The following MARCO variants were observed in gnomAD, a reference collection of about 807,000 sequenced individuals.
The protein encoded by MARCO is macrophage receptor MARCO.
In MARCO, 72 loss-of-function variants were observed where a neutral mutation model predicts 70.0. The ratio of observed to expected loss-of-function variants is 1.03; its 90% CI spans 0.85 to 1.25. MARCO has a LOEUF of 1.25. MARCO is among the 50% of genes most tolerant of loss of function. MARCO has a pLI of 0.00. For missense variants in MARCO, 696 were observed against 659.3 expected, an observed-to-expected ratio of 1.06 and a Z score of -0.61; for synonymous variants, 273 against 243.1, an observed-to-expected ratio of 1.12 and a Z score of -1.14.
At chr2:118,959,167 C>T (rs1018212319) in intron 1 of MARCO, among the ~76,000 whole-genome samples, 18 of 152,034 alleles carry the variant, frequency 1.2e-4, no homozygotes, top group African/African-American at 1.9e-4. Flanking sequence ...AGCTTTTGCA[C>T]GGCAAAAGGA....
intron 1 of MARCO, among the ~76,000 whole-genome samples, chr2:118,965,451 T>C (rs1680026981): frequency 6.6e-6 from 1 of 152,198 alleles, no homozygotes; most frequent in African/African-American, 2.4e-5. Flanking sequence ...AAAAAATTTG[T>C]TTCAAGAATA....
intron 1 of MARCO, among the ~76,000 whole-genome samples, chr2:118,942,748 G>A (rs976904028): frequency 2.6e-5 from 4 of 151,952 alleles, no homozygotes; most frequent in African/African-American, 7.3e-5. Context: ...CGCAAAACAG[G>A]GGCACTGAAA....
intron 1 of MARCO, among the ~76,000 whole-genome samples, chr2:118,950,733 GTTAA>G (rs1679706593): frequency 6.6e-6 from 1 of 152,034 alleles, no homozygotes; most frequent in Non-Finnish European, 1.5e-5. Context: ...TAAACAACCA[GTTAA>G]TTTATTTTAG....
chr2:118,970,041 A>G, intron 2 of MARCO, 73 bp from the exon 3 acceptor site: 1 of 1,293,882 alleles, frequency 7.7e-7, no homozygotes, highest in South Asian at 1.2e-5. Context: ...AGTTATGCAC[A>G]CATGACACAA....
At chr2:118,986,677 GAAAGAAAGAAAGAAAGAA>G (rs1680507364) in intron 12 of MARCO, among the ~76,000 whole-genome samples, 1 of 40,910 alleles carries the variant, frequency 2.4e-5, no homozygotes, top group Non-Finnish European at 4.3e-5. Flanking sequence ...AGGAAGGAAA[GAAAGAAAGAAAGAAAGAA>G]AGAAAGAAAG....
rs965270646 is a variant in MARCO at position 118,977,400 on chromosome 2, T to A, written c.614-71T>A. 4.9e-6 allele frequency: 6 copies of A among 1,235,200 alleles called. No homozygotes were observed. The Admixed American group carries it at 5.1e-5, about 10-fold the overall frequency. 76.5% of individuals were successfully genotyped at this position (1,235,200 alleles called of 1,614,324 possible). A position where few individuals can be genotyped will look rare whatever the true frequency, so the allele number is the denominator to read the frequency against. On this transcript the variant is annotated intron_variant, in intron 6 of 16. Transcript: ENST00000327097. ...CTTGCTCAACTAAGGGAATCTAGAA[T>A]GTCAGCTGATTAAAGACATTTTAGA...
intron 12 of MARCO, among the ~76,000 whole-genome samples, chr2:118,983,316 G>A (rs1680429271): frequency 6.7e-6 from 1 of 148,988 alleles, no homozygotes; most frequent in African/African-American, 2.5e-5. Flanking sequence ...CCCCCGTGCT[G>A]TGCTAGAGAC....
chr2:118,975,180 G>T (rs1023903046), intron 6 of MARCO, among the ~76,000 whole-genome samples: 1 of 152,122 alleles, frequency 6.6e-6, no homozygotes, highest in Non-Finnish European at 1.5e-5. Context: ...AGAATGGGGG[G>T]CCCAGAGCTG....
chr2:118,993,188 C>G lies in MARCO; in HGVS notation c.1317C>G (p.Tyr439Ter), dbSNP rs1385974827. The G allele has an allele frequency of 1.9e-6, 3 of 1,614,180 alleles. No individual in the cohort carries two copies. The Admixed American group carries it at 5.0e-5, about 27-fold the overall frequency. Residue 439 changes from tyrosine (Y) to a stop codon, truncating the protein, a stop_gained, in exon 16 of 17, where the codon TAC (tyrosine) becomes TAG (stop). Transcript: ENST00000327097. LOFTEE classifies it high-confidence loss of function. ...ACCGAGGCCGGGCTGAAGTTTACTA[C>G]AGTGGTACCTGGGGGACAATTTGCG... is the stretch of plus-strand genomic sequence containing the variant. The part of the protein sequence containing the change: ...SSNRGRAEVY[Y>*]SGTWGTICDD...
chr2:118,958,929 G>A (rs142279279), intron 1 of MARCO, among the ~76,000 whole-genome samples: 12,224 of 152,148 alleles, frequency 0.08, 549 homozygotes, highest in South Asian at 0.15. Flanking sequence ...TAATTGGCTA[G>A]CCACATATAG....
At chr2:118,944,488 ATAGTTT>A (rs2104540634) in intron 1 of MARCO, among the ~76,000 whole-genome samples, 1 of 152,238 alleles carries the variant, frequency 6.6e-6, no homozygotes, top group South Asian at 2.1e-4. Context: ...TAGGCCATAT[ATAGTTT>A]TATTTTCTTT....
At position 118,977,485 on chromosome 2, in the gene MARCO, C is replaced by A. The variant is rs1378424480; in HGVS notation, c.628C>A (p.Gln210Lys). 6.2e-7 allele frequency: 1 copy of A among 1,614,040 alleles called. No individual in the cohort carries two copies. Among genetic ancestry groups the A allele is most frequent in the Admixed American group, 1.7e-5 (1 of 60,018 alleles). Residue 210 changes from glutamine (Q) to lysine (K), a missense_variant, in exon 7 of 17, where the codon CAG (glutamine) becomes AAG (lysine). By Grantham distance (53) the Gln-to-Lys change is moderately conservative. Transcript: ENST00000327097. Reference protein sequence around the residue: ...VKGEAGLQGPQGAPGKQGATG... With the variant: ...VKGEAGLQGPKGAPGKQGATG... The stretch of plus-strand genomic sequence containing the variant: ...CTTCCTCACAGGCCTCCAAGGACCC[C>A]AGGGTGCTCCAGGGAAGCAAGGAGC...
At chr2:118,948,322 CA>C (rs1177364167) in intron 1 of MARCO, among the ~76,000 whole-genome samples, 1 of 152,204 alleles carries the variant, frequency 6.6e-6, no homozygotes, top group African/African-American at 2.4e-5. Flanking sequence ...AGCAGGACCT[CA>C]CAATCTTAAA....
chr2:118,977,352 G>C lies in MARCO; in HGVS notation c.614-119G>C. ...AGAGAGAGAGTGAGAGTGAGAGAGA[G>C]AGAAAGATCTCCTTCTGGGAACCTT... On this transcript the variant is annotated intron_variant, in intron 6 of 16. Coordinates refer to ENST00000327097, the MANE Select transcript of MARCO (RefSeq NM_006770.4). 4.9e-6 allele frequency: 4 copies of C among 813,778 alleles called. No individual in the cohort carries two copies. The South Asian group carries it at 5.8e-5, about 12-fold the overall frequency. The allele number at this position is 813,778 out of a possible 1,614,324, so 50.4% of individuals were successfully genotyped here.
In MARCO at chr2:118,942,288, A is replaced by G; in HGVS notation, c.-13A>G. On this transcript the variant is annotated 5_prime_UTR_variant, in exon 1 of 17. Coordinates refer to ENST00000327097, the MANE Select transcript of MARCO (RefSeq NM_006770.4). The stretch of plus-strand genomic sequence containing the variant: ...GCTGGCTCCAGGACTTTGGCCATCT[A>G]TAAAGCTTGGCAATGAGAAATAAGA... 1 of 1,591,448 alleles carries G rather than the reference A, an allele frequency of 6.3e-7. No individual in the cohort carries two copies. The highest frequency in any genetic ancestry group is 1.7e-5 in the Admixed American group (1 of 59,988).
chr2:118,974,760 C>A (rs1235719557), intron 6 of MARCO, among the ~76,000 whole-genome samples, 195 bp downstream of exon 6: 1 of 152,178 alleles, frequency 6.6e-6, no homozygotes, highest in East Asian at 1.9e-4. Flanking sequence ...TAGGGCTGGG[C>A]AGCCGCCCTC....
At chr2:118,992,617 T>A (rs1573412861) in intron 15 of MARCO, 141 bp downstream of exon 15, 1 of 687,812 alleles carries the variant, frequency 1.5e-6, no homozygotes, top group Non-Finnish European at 2.6e-6. Flanking sequence ...GTCCCTTGAA[T>A]GAGCCTGCCC....
At chr2:118,967,995 C>T (rs1204043683) in intron 1 of MARCO, among the ~76,000 whole-genome samples, 11 of 152,216 alleles carry the variant, frequency 7.2e-5, no homozygotes, top group Admixed American at 4.6e-4. Context: ...GGTCATATGC[C>T]TGCTGTGTCA....
At chr2:118,961,215 C>T (rs573242479) in intron 1 of MARCO, among the ~76,000 whole-genome samples, 20 of 151,748 alleles carry the variant, frequency 1.3e-4, no homozygotes, top group Non-Finnish European at 2.2e-4. Context: ...TGCCATATAT[C>T]TTTATAATAG....
Sources: allele counts gnomAD v4.1 joint callset (sites outside exome capture counted in the v4.1 genomes callset), GRCh38; gene constraint gnomAD v4.1.1; transcripts MANE v1.5; gene names NCBI Gene and HGNC (gene_info 2026-07-23, HGNC 2026-07-21).